Variants in CEMIP observed in about 807,000 individuals in gnomAD.
The protein encoded by CEMIP is cell migration-inducing and hyaluronan-binding protein.
In CEMIP, 105 loss-of-function variants were observed where a neutral mutation model predicts 156.9. The observed-to-expected ratio is 0.67, with a 90% CI of 0.57 to 0.79. The LOEUF (loss-of-function observed/expected upper bound fraction) is 0.79, where lower values mean the gene tolerates loss of function less well. Among genes scored for constraint, CEMIP ranks in the 30% least tolerant of loss-of-function variants. CEMIP has a pLI of 0.00. For synonymous variants in CEMIP, 676 were observed against 668.4 expected (o/e 1.01, Z -0.17); for missense variants, 1,457 against 1,769.4 (o/e 0.82, Z 3.17).
At position 80,946,910 on chromosome 15, in the gene CEMIP, C is replaced by T. The variant is rs1307066221; in HGVS notation, c.3858-55C>T. On this transcript the variant is annotated intron_variant, in intron 28 of 29. Transcript: ENST00000394685. ...CACAAACCAACATCCCTCCCCATGC[C>T]CACTTTCTCCAGTTTGCTCTCTCCC... 17 of 1,221,462 alleles carry T rather than the reference C, an allele frequency of 1.4e-5. No homozygotes were observed. In the Middle Eastern group the frequency reaches 6.0e-4, roughly 43 times the overall value. The allele number at this position is 1,221,462 out of a possible 1,614,324, so 75.7% of individuals were successfully genotyped here. A position where few individuals can be genotyped will look rare whatever the true frequency, so the allele number is the denominator to read the frequency against.
At chr15:80,926,243 C>T (rs28588248) in intron 19 of CEMIP, among the ~76,000 whole-genome samples, 51,413 of 152,064 alleles carry the variant, frequency 0.34, 10,309 homozygotes, top group African/African-American at 0.56. Context: ...AACTTGGAGC[C>T]ACAGTTCACT....
chr15:80,898,262 C>T (rs779496782), intron 12 of CEMIP, among the ~76,000 whole-genome samples: 11 of 152,312 alleles, frequency 7.2e-5, no homozygotes, highest in Middle Eastern at 3.4e-3. Flanking sequence ...TAGACAATTA[C>T]GTAATCTTTC....
Position 80,929,266 on chromosome 15 carries a change from G to A in CEMIP, c.2612+92G>A. 2.8e-6 allele frequency: 4 copies of A among 1,452,558 alleles called. No homozygotes were observed. The South Asian group carries it at 3.4e-5, about 13-fold the overall frequency. The allele number at this position is 1,452,558 out of a possible 1,614,324, so 90.0% of individuals were successfully genotyped here. On this transcript the variant is annotated intron_variant, in intron 21 of 29. Transcript: ENST00000394685. ...AAAAGTTAATGGGTAGTTTCTACCT[G>A]TTGACTATGAATTCTTCTACCAGCC...
chr15:80,938,231 A>T, intron 25 of CEMIP: 1 of 464,882 alleles, frequency 2.2e-6, no homozygotes, highest in South Asian at 2.2e-5. Flanking sequence ...TTTCAGAAAA[A>T]AAAAAGTGAA....
At chr15:80,842,376 G>A (rs1488344941) in intron 1 of CEMIP, among the ~76,000 whole-genome samples, 1 of 152,062 alleles carries the variant, frequency 6.6e-6, no homozygotes, top group African/African-American at 2.4e-5. Flanking sequence ...TAAGCACAAA[G>A]ACTCGTTCTT....
At position 80,915,576 on chromosome 15, in the gene CEMIP, G is replaced by GA. The variant is rs947211526; in HGVS notation, c.1798-4517dup. On this transcript the variant is annotated intron_variant, in intron 14 of 29. Transcript: ENST00000394685. The stretch of plus-strand genomic sequence containing the variant: ...AGATTGGGGTAAGAGATGGGAGGGA[G>GA]AGGGGGTACATTACAGATCAGCACC... Among the ~76,000 whole-genome samples, 5 of 152,160 alleles carry GA rather than the reference G, an allele frequency of 3.3e-5. 1 individual carries two copies. Among genetic ancestry groups the GA allele is most frequent in the Admixed American group, 2.0e-4 (3 of 15,276 alleles).
chr15:80,942,381 G>A lies in CEMIP; in HGVS notation c.3699+44G>A, dbSNP rs745996864. ...TGGAGGATTCGGGTTTGCTCATTGA[G>A]AGGTGATACTGTGTCCTGCGGCTGC... On this transcript the variant is annotated intron_variant, in intron 27 of 29. Transcript: ENST00000394685. 1.9e-5 allele frequency: 29 copies of A among 1,501,174 alleles called. No homozygotes were observed. The East Asian group carries it at 5.6e-4, about 29-fold the overall frequency. The allele number at this position is 1,501,174 out of a possible 1,614,324, so 93.0% of individuals were successfully genotyped here. A position where few individuals can be genotyped will look rare whatever the true frequency, so the allele number is the denominator to read the frequency against.
chr15:80,827,612 C>G (rs554781566), intron 1 of CEMIP, among the ~76,000 whole-genome samples: 1 of 152,224 alleles, frequency 6.6e-6, no homozygotes, highest in East Asian at 1.9e-4. Context: ...GAGCGAGACT[C>G]TTTTTCAAAA....
chr15:80,875,525 C>T (rs1442503112), intron 3 of CEMIP, among the ~76,000 whole-genome samples: 1 of 152,134 alleles, frequency 6.6e-6, no homozygotes, highest in Non-Finnish European at 1.5e-5. Flanking sequence ...CCCTCAGGTA[C>T]TTCCCTTGAT....
In CEMIP at chr15:80,943,129, T is replaced by C. The variant is rs373557422; in HGVS notation, c.3857+27T>C. 2.5e-6 allele frequency: 4 copies of C among 1,613,912 alleles called. No homozygotes were observed. In the African/African-American group the frequency reaches 4.0e-5, roughly 16 times the overall value. On this transcript the variant is annotated intron_variant, in intron 28 of 29. Transcript: ENST00000394685. ...TGAGTCTGTACCTCTGCTTCTGGAA[T>C]TGGCTGCTGGCACAGCAGACCCCTG...
Position 80,840,145 on chromosome 15 carries a change from G to A in CEMIP, c.-175-33393G>A, listed in dbSNP as rs1173731006. Among the ~76,000 whole-genome samples, 4 of 152,186 alleles carry A rather than the reference G, an allele frequency of 2.6e-5. No homozygotes were observed. In the South Asian group the frequency reaches 6.2e-4, roughly 24 times the overall value. ...GTCTAAGTCCCAAGGTGCTTCCTAG[G>A]GGCTCGGAGGGTGGCCCCAGAAGAC... On this transcript the variant is annotated intron_variant, in intron 1 of 29. Transcript: ENST00000394685.
At chr15:80,914,810 T>A (rs1179068389) in intron 14 of CEMIP, among the ~76,000 whole-genome samples, 1 of 151,926 alleles carries the variant, frequency 6.6e-6, no homozygotes, top group African/African-American at 2.4e-5. Context: ...ATAAAGAGTT[T>A]AATTCATGCA....
chr15:80,822,960 C>T (rs1596112673), intron 1 of CEMIP, among the ~76,000 whole-genome samples: 2 of 152,234 alleles, frequency 1.3e-5, no homozygotes, highest in South Asian at 4.1e-4. Flanking sequence ...GGCTGGGAGT[C>T]CAGGGGCCAG....
At chr15:80,787,600 C>T (rs936141547) in intron 1 of CEMIP, among the ~76,000 whole-genome samples, 2 of 152,222 alleles carry the variant, frequency 1.3e-5, no homozygotes, top group Non-Finnish European at 2.9e-5. Context: ...ACTCCCAGAC[C>T]TTGGGATTCA....
intron 29 of CEMIP, chr15:80,948,470 C>T (rs974195898): frequency 5.1e-6 from 2 of 391,568 alleles, no homozygotes; most frequent in Admixed American, 3.6e-5. Flanking sequence ...GTCCTAGGGG[C>T]AGCTCAAAGG....
In CEMIP at chr15:80,873,448, A is replaced by G. The variant is rs149677616; in HGVS notation, c.-175-90A>G. Reference sequence around the variant, plus strand: ...GAGATCCAGAGAGATTAAACAGATCATCTGAGATCACACAGCGAGTTGGTG... The same window carrying G: ...GAGATCCAGAGAGATTAAACAGATCGTCTGAGATCACACAGCGAGTTGGTG... On this transcript the variant is annotated intron_variant, in intron 1 of 29. Transcript: ENST00000394685. 4 of 273,392 alleles carry G rather than the reference A, an allele frequency of 1.5e-5. No homozygotes were observed. The East Asian group carries it at 2.7e-4, about 18-fold the overall frequency. 16.9% of individuals were successfully genotyped at this position (273,392 alleles called of 1,614,324 possible).
chr15:80,809,143 C>T (rs2141621075), intron 1 of CEMIP, among the ~76,000 whole-genome samples: 1 of 152,292 alleles, frequency 6.6e-6, no homozygotes, highest in South Asian at 2.1e-4. Flanking sequence ...AGCAATTTCA[C>T]TTCTGACACC....
rs1444041148 is a variant in CEMIP at position 80,892,255 on chromosome 15, G to C, written c.1086+2663G>C. 2.6e-5 allele frequency among the ~76,000 whole-genome samples: 4 copies of C among 152,194 alleles called. No individual in the cohort carries two copies. The East Asian group carries it at 7.7e-4, about 29-fold the overall frequency. The stretch of plus-strand genomic sequence containing the variant: ...TCAAGGACATTTGCAACCTAGGCAA[G>C]ATTGGAGGAGGCAGGTTGGGAAGAA... On this transcript the variant is annotated intron_variant, in intron 10 of 29. Coordinates refer to ENST00000394685, the MANE Select transcript of CEMIP (RefSeq NM_001293298.2).
At chr15:80,832,081 C>A (rs529536097) in intron 1 of CEMIP, among the ~76,000 whole-genome samples, 2 of 152,334 alleles carry the variant, frequency 1.3e-5, no homozygotes, top group South Asian at 4.1e-4. Context: ...TTTGTAGAAG[C>A]TTCTAGGATG....
Sources: allele counts gnomAD v4.1 joint callset (sites outside exome capture counted in the v4.1 genomes callset), GRCh38; gene constraint gnomAD v4.1.1; transcripts MANE v1.5; gene names NCBI Gene and HGNC (gene_info 2026-07-23, HGNC 2026-07-21).